The following SCARB1 variants were observed in gnomAD, a reference collection of about 807,000 sequenced individuals.
SCARB1 encodes CD36 and LIMPII analogous 1.
SCARB1 carries 30 observed loss-of-function variants against 57.2 expected under a neutral mutation model. That is an observed-to-expected ratio of 0.52 (90% CI 0.39 to 0.71). SCARB1 has a LOEUF of 0.71. Among genes scored for constraint, SCARB1 ranks in the 30% least tolerant of loss-of-function variants. The pLI, the probability that SCARB1 is intolerant of heterozygous loss-of-function variation, is 0.00. For synonymous variants in SCARB1, 249 were observed against 268.3 expected (o/e 0.93, Z 0.70); for missense variants, 543 against 671.2 (o/e 0.81, Z 2.11).
intron 10 of SCARB1, among the ~76,000 whole-genome samples, chr12:124,786,766 T>C (rs1949538890): frequency 1.3e-5 from 2 of 152,168 alleles, no homozygotes; most frequent in South Asian, 4.1e-4. Context: ...CTCACGTGAC[T>C]CTCCATCTCG....
rs1374793449 is a variant in SCARB1, at chr12:124,800,426, C to G, written c.1010-184G>C. On this transcript the variant is annotated intron_variant, in intron 7 of 12. Coordinates refer to ENST00000261693, the MANE Select transcript of SCARB1 (RefSeq NM_005505.5). The surrounding 1 kb of genome is among the most constrained non-coding windows in gnomAD (Gnocchi z 4.8). ...CCCAGGCCCTGTGATGAGGGACAAG[C>G]TCTGCGCCAGAGAAGGGGTGAGGCA... Among the ~76,000 whole-genome samples, 2 of 152,234 alleles carry G rather than the reference C, an allele frequency of 1.3e-5. No homozygotes were observed.
At chr12:124,856,878 C>G (rs1952656294) in intron 1 of SCARB1, among the ~76,000 whole-genome samples, 1 of 152,232 alleles carries the variant, frequency 6.6e-6, no homozygotes, top group Non-Finnish European at 1.5e-5. Flanking sequence ...CACTTGGTGC[C>G]TTTGATTGGA....
chr12:124,840,337 C>T (rs1037662713), intron 1 of SCARB1, among the ~76,000 whole-genome samples: 1 of 152,134 alleles, frequency 6.6e-6, no homozygotes, highest in East Asian at 1.9e-4. Flanking sequence ...GCCACCACAC[C>T]CGGCTAATTT....
chr12:124,811,877 A>G lies in SCARB1; in HGVS notation c.719T>C (p.Leu240Pro), dbSNP rs1950543532. Residue 240 changes from leucine to proline, a missense_variant, in exon 5 of 13, where the codon CTG becomes CCG. Transcript: ENST00000261693. ...TCGCCTCTCGCCCCTCACCTTGCTCAGCCCGTTCCACTTGTCCACGAGGTG... is the reference window on the plus strand; with the variant it reads ...TCGCCTCTCGCCCCTCACCTTGCTCGGCCCGTTCCACTTGTCCACGAGGTG... ...RIHLVDKWNGLSKVDFWHSDQ... is the reference protein window; with the variant it reads ...RIHLVDKWNGPSKVDFWHSDQ... The G allele has an allele frequency of 1.2e-6, 2 of 1,611,058 alleles. No homozygotes were observed. Among genetic ancestry groups the G allele is most frequent in the Non-Finnish European group, 1.7e-6 (2 of 1,178,750 alleles).
intron 12 of SCARB1, among the ~76,000 whole-genome samples, 156 bp from the exon 13 acceptor site, chr12:124,778,742 G>T (rs1872785180): frequency 7.1e-6 from 1 of 141,838 alleles, no homozygotes; most frequent in Non-Finnish European, 1.5e-5. Flanking sequence ...GTCACCTATA[G>T]ACTCCTGGAA....
rs1478411912 is a variant in SCARB1 at position 124,789,589 on chromosome 12, A to G, written c.1203-2132T>C. On this transcript the variant is annotated intron_variant, in intron 9 of 12. Coordinates refer to ENST00000261693, the MANE Select transcript of SCARB1 (RefSeq NM_005505.5). This position sits in a 1 kb window ranked among gnomAD's most constrained non-coding sequence, Gnocchi z 4.4. ...GAAGAGTATCCTGGAATACCTAGGT[A>G]GGCCCCAGAGAATCACAAAAGTCCT... Among the ~76,000 whole-genome samples, 1 of 152,224 alleles carries G rather than the reference A, an allele frequency of 6.6e-6. No homozygotes were observed. The highest frequency in any genetic ancestry group is 1.5e-5 in the Non-Finnish European group (1 of 68,036).
chr12:124,833,937 G>A (rs969184360), intron 1 of SCARB1, among the ~76,000 whole-genome samples: 7 of 152,260 alleles, frequency 4.6e-5, no homozygotes, highest in African/African-American at 7.2e-5. Flanking sequence ...GCAGCTCAGC[G>A]GGGGCACTTT....
intron 1 of SCARB1, among the ~76,000 whole-genome samples, chr12:124,855,444 T>C (rs12229372): frequency 0.095 from 14,426 of 152,222 alleles, 840 homozygotes; most frequent in South Asian, 0.17. Flanking sequence ...CCTTTAAGGC[T>C]TCAAAGTCAA....
chr12:124,836,158 G>A (rs190824176), intron 1 of SCARB1, among the ~76,000 whole-genome samples: 1 of 152,324 alleles, frequency 6.6e-6, no homozygotes, highest in African/African-American at 2.4e-5. Context: ...CAGGAAGTGG[G>A]GAAGAGGACA....
rs118124324 is a variant in SCARB1, at chr12:124,823,388, C to T, written c.127-5681G>A. ...TAGCCAACAAGCTCATGAAAAGGTG[C>T]TTGACATCATCAGGGAAATGCAAAT... On this transcript the variant is annotated intron_variant, in intron 1 of 12. Transcript: ENST00000261693. Among the ~76,000 whole-genome samples, 452 of 152,322 alleles carry T rather than the reference C, an allele frequency of 3.0e-3. 3 individuals are homozygous for T. Among genetic ancestry groups the T allele is most frequent in the South Asian group, 0.011 (55 of 4,826 alleles).
chr12:124,856,639 C>T (rs1393261326), intron 1 of SCARB1, among the ~76,000 whole-genome samples: 1 of 152,254 alleles, frequency 6.6e-6, no homozygotes, highest in African/African-American at 2.4e-5. Flanking sequence ...CGAGGAGCCC[C>T]CTCCCCACCT....
intron 2 of SCARB1, among the ~76,000 whole-genome samples, chr12:124,815,764 G>C (rs1950688276): frequency 6.6e-6 from 1 of 152,200 alleles, no homozygotes; most frequent in African/African-American, 2.4e-5. Context: ...TACTCGGGAG[G>C]CTGAGGCAGG....
chr12:124,850,934 C>G (rs949987390), intron 1 of SCARB1, among the ~76,000 whole-genome samples: 1 of 152,186 alleles, frequency 6.6e-6, no homozygotes, highest in Admixed American at 6.5e-5. Flanking sequence ...TGGGAACCAC[C>G]CTACTCCTAC....
intron 1 of SCARB1, among the ~76,000 whole-genome samples, chr12:124,850,378 A>C (rs1952346058): frequency 6.6e-6 from 1 of 151,046 alleles, no homozygotes; most frequent in Non-Finnish European, 1.5e-5. Flanking sequence ...GTCTCAAAAA[A>C]ATAAATAAAT....
At chr12:124,848,184 A>G (rs976499477) in intron 1 of SCARB1, among the ~76,000 whole-genome samples, 1 of 152,162 alleles carries the variant, frequency 6.6e-6, no homozygotes, top group East Asian at 1.9e-4. Flanking sequence ...CCTGGGTTCA[A>G]GCGATTCTCC....
At chr12:124,851,819 C>A (rs1178633736) in intron 1 of SCARB1, among the ~76,000 whole-genome samples, 1 of 151,972 alleles carries the variant, frequency 6.6e-6, no homozygotes, top group African/African-American at 2.4e-5. Flanking sequence ...GTTGGCCAGG[C>A]TGGTCTCGAA....
At chr12:124,809,863 G>A (rs770090392) in intron 6 of SCARB1, among the ~76,000 whole-genome samples, 4 of 152,120 alleles carry the variant, frequency 2.6e-5, no homozygotes, top group African/African-American at 4.8e-5. Flanking sequence ...CCAGCCAGAC[G>A]CCAGAGGGAG....
rs879559544 is a variant in SCARB1, at chr12:124,837,570, AAAG to A, written c.127-19866_127-19864del. 2.5e-4 allele frequency among the ~76,000 whole-genome samples: 5 copies of A among 19,690 alleles called. 1 individual carries two copies. The highest frequency in any genetic ancestry group is 8.5e-4 in the Non-Finnish European group (5 of 5,892). 12.9% of individuals were successfully genotyped at this position (19,690 alleles called of 152,430 possible). Reference sequence around the variant, plus strand: ...AAAGAAAAGAAAAGAAAAGAAAAGAAAAGAAAAGAAAAGAAAAGAAAAGAAAAG... The same window carrying A: ...AAAGAAAAGAAAAGAAAAGAAAAGAAAAAAGAAAAGAAAAGAAAAGAAAAG... On this transcript the variant is annotated intron_variant, in intron 1 of 12. Coordinates refer to ENST00000261693, the MANE Select transcript of SCARB1 (RefSeq NM_005505.5).
At chr12:124,799,391 G>A (rs1950059031) in intron 8 of SCARB1, among the ~76,000 whole-genome samples, 1 of 152,048 alleles carries the variant, frequency 6.6e-6, no homozygotes, top group Admixed American at 6.6e-5. Flanking sequence ...CAGGCATGGT[G>A]GTACATGTCT....
Sources: gnomAD v4.1 joint callset for allele counts (sites outside exome capture counted in the v4.1 genomes callset) on GRCh38, gnomAD v4.1.1 for gene constraint, Gnocchi (gnomAD v3.1) non-coding constraint, MANE v1.5 for transcripts, NCBI Gene and HGNC (gene_info 2026-07-23, HGNC 2026-07-21) for gene names.